NELL1: variants seen among roughly 807,000 people sequenced by gnomAD.
NELL1 encodes protein kinase C-binding protein NELL1.
Under a neutral mutation model 107.4 loss-of-function variants are expected in NELL1, and 76 were observed. That is an observed-to-expected ratio of 0.71 (90% CI 0.59 to 0.86). The LOEUF (loss-of-function observed/expected upper bound fraction) is 0.86, where lower values mean the gene tolerates loss of function less well. Ranked by LOEUF, NELL1 falls within the 40% of genes least tolerant of loss-of-function variation. The probability of loss-of-function intolerance (pLI) is 0.00; values close to 1 mark genes in which losing one functional copy is unlikely to be tolerated. For missense variants in NELL1, 1,024 were observed against 1,005.5 expected, an observed-to-expected ratio of 1.02 and a Z score of -0.25; for synonymous variants, 353 against 341.2, an observed-to-expected ratio of 1.03 and a Z score of -0.38.
intron 12 of NELL1, among the ~76,000 whole-genome samples, chr11:21,108,149 A>G (rs1017811943): frequency 6.6e-6 from 1 of 152,110 alleles, no homozygotes; most frequent in African/African-American, 2.4e-5. Flanking sequence ...TTCCCCTCCT[A>G]AGTATATCCC....
intron 13 of NELL1, among the ~76,000 whole-genome samples, chr11:21,197,257 T>C (rs1178824146): frequency 1.3e-5 from 2 of 151,702 alleles, no homozygotes; most frequent in Non-Finnish European, 2.9e-5. Flanking sequence ...CATAAAAACA[T>C]GAGTAAGTTC....
At chr11:21,387,412 T>C (rs147267965) in intron 15 of NELL1, among the ~76,000 whole-genome samples, 2 of 152,004 alleles carry the variant, frequency 1.3e-5, no homozygotes, top group Non-Finnish European at 2.9e-5. Context: ...CAGTGTTTGC[T>C]GCTACAGCCC....
intron 15 of NELL1, among the ~76,000 whole-genome samples, chr11:21,502,462 A>G (rs1040164336): frequency 2.6e-5 from 4 of 152,196 alleles, no homozygotes; most frequent in African/African-American, 9.6e-5. Flanking sequence ...TCTCTGCATG[A>G]CTCAGACAAC....
chr11:21,087,323 A>C (rs542250539), intron 12 of NELL1, among the ~76,000 whole-genome samples: 69 of 152,252 alleles, frequency 4.5e-4, no homozygotes, highest in African/African-American at 1.5e-3. Flanking sequence ...TTTTTAAGAA[A>C]ATTTTTTTGT....
intron 2 of NELL1, among the ~76,000 whole-genome samples, chr11:20,713,497 A>C (rs1792990): frequency 0.17 from 25,631 of 152,066 alleles, 2,516 homozygotes; most frequent in African/African-American, 0.24. Context: ...GCAGTTGGTG[A>C]GGCTGGTCTT....
intron 3 of NELL1, among the ~76,000 whole-genome samples, chr11:20,845,880 T>C (rs1195002438): frequency 1.3e-5 from 2 of 151,508 alleles, no homozygotes; most frequent in Non-Finnish European, 3.0e-5. Flanking sequence ...TTAAACCCCT[T>C]TTTAGTTTTT....
chr11:21,156,988 G>T (rs1217390340), intron 13 of NELL1, among the ~76,000 whole-genome samples: 1 of 151,686 alleles, frequency 6.6e-6, no homozygotes, highest in Non-Finnish European at 1.5e-5. Flanking sequence ...TGTAATCTCA[G>T]CTACTTGGGA....
At chr11:21,572,252 TC>T (rs1857115223) in intron 18 of NELL1, among the ~76,000 whole-genome samples, 2 of 151,822 alleles carry the variant, frequency 1.3e-5, no homozygotes, top group Non-Finnish European at 2.9e-5. Context: ...CAAAAGTGTA[TC>T]CTCTTCCATC....
intron 12 of NELL1, among the ~76,000 whole-genome samples, chr11:21,011,993 G>A (rs1852456854): frequency 1.3e-5 from 2 of 151,992 alleles, no homozygotes; most frequent in Non-Finnish European, 2.9e-5. Flanking sequence ...TGCCCCTCTA[G>A]GGTGCCAACC....
At chr11:21,097,163 T>A (rs1427805628) in intron 12 of NELL1, among the ~76,000 whole-genome samples, 1 of 152,154 alleles carries the variant, frequency 6.6e-6, no homozygotes, top group Non-Finnish European at 1.5e-5. Context: ...GATTTCTACG[T>A]TCATTCTACT....
chr11:21,174,495 A>G (rs12277814), intron 13 of NELL1, among the ~76,000 whole-genome samples: 10,221 of 151,870 alleles, frequency 0.067, 491 homozygotes, highest in Non-Finnish European at 0.1. Flanking sequence ...ACTATTTTTC[A>G]TTTCAAATGA....
chr11:21,131,715 G>T (rs1270106595), intron 13 of NELL1, among the ~76,000 whole-genome samples: 1 of 152,088 alleles, frequency 6.6e-6, no homozygotes, highest in Non-Finnish European at 1.5e-5. Flanking sequence ...AAACTTTATT[G>T]TAAGGGTCCC....
intron 13 of NELL1, among the ~76,000 whole-genome samples, chr11:21,140,202 A>G (rs551264593): frequency 6.2e-4 from 94 of 152,318 alleles, no homozygotes; most frequent in African/African-American, 2.1e-3. Flanking sequence ...CACCTGGGCT[A>G]TGTGTGTGGG....
intron 14 of NELL1, among the ~76,000 whole-genome samples, chr11:21,282,133 C>G (rs111300631): frequency 1.3e-5 from 2 of 151,890 alleles, no homozygotes; most frequent in South Asian, 4.1e-4. Flanking sequence ...ATATAAGGAT[C>G]TCAAACAACT....
chr11:20,810,337 T>C (rs1857473508), intron 3 of NELL1, among the ~76,000 whole-genome samples: 1 of 152,188 alleles, frequency 6.6e-6, no homozygotes, highest in African/African-American at 2.4e-5. Context: ...CAGTATACAC[T>C]GCACCATATT....
chr11:21,341,711 G>A (rs532228967), intron 14 of NELL1, among the ~76,000 whole-genome samples: 6 of 152,270 alleles, frequency 3.9e-5, no homozygotes, highest in African/African-American at 1.4e-4. Context: ...TGCTAAATGA[G>A]GAACCAAGTC....
intron 13 of NELL1, among the ~76,000 whole-genome samples, chr11:21,217,060 C>T (rs1479807162): frequency 6.6e-6 from 1 of 152,122 alleles, no homozygotes; most frequent in African/African-American, 2.4e-5. Flanking sequence ...TACCTCCATG[C>T]TGCTCTTGTG....
chr11:21,132,803 T>C (rs973235837), intron 13 of NELL1, among the ~76,000 whole-genome samples: 2 of 151,558 alleles, frequency 1.3e-5, no homozygotes, highest in East Asian at 3.9e-4. Context: ...TTAGAGGGGG[T>C]TCAGTGCATG....
rs185759101 is a variant in NELL1, at chr11:21,323,380, G to A, written c.1550-47473G>A. Among the ~76,000 whole-genome samples, 6 of 152,190 alleles carry A rather than the reference G, an allele frequency of 3.9e-5. No homozygotes were observed. In the East Asian group the frequency reaches 5.8e-4, roughly 15 times the overall value. ...CTTGGGAAGCTAATAATAAGGACAG[G>A]GGAGAAGAAAGTGGTCATTTAGCCA... is the stretch of plus-strand genomic sequence containing the variant. On this transcript the variant is annotated intron_variant, in intron 14 of 19. Coordinates refer to ENST00000357134, the MANE Select transcript of NELL1 (RefSeq NM_006157.5).
Sources: gnomAD v4.1 joint callset for allele counts (sites outside exome capture counted in the v4.1 genomes callset) on GRCh38, gnomAD v4.1.1 for gene constraint, MANE v1.5 for transcripts, NCBI Gene and HGNC (gene_info 2026-07-23, HGNC 2026-07-21) for gene names.